Variants in ABCB1 observed in about 807,000 individuals in gnomAD.
ABCB1 encodes ATP-dependent translocase ABCB1.
A neutral mutation model predicts 142.0 loss-of-function variants in ABCB1; 69 were observed. That is an observed-to-expected ratio of 0.49 (90% CI 0.40 to 0.59). The LOEUF is 0.59. Among genes scored for constraint, ABCB1 ranks in the 20% least tolerant of loss-of-function variants. The pLI is 0.00. For synonymous variants in ABCB1, 532 were observed against 539.2 expected, an observed-to-expected ratio of 0.99 and a Z score of 0.18; for missense variants, 1,326 against 1,554.7, an observed-to-expected ratio of 0.85 and a Z score of 2.47.
At chr7:87,544,488 T>TA (rs1361536024) in intron 16 of ABCB1, among the ~76,000 whole-genome samples, 2 of 152,322 alleles carry the variant, frequency 1.3e-5, no homozygotes, top group South Asian at 4.1e-4. Context: ...CTTTATTTTT[T>TA]AAAAAATAAA....
intron 3 of ABCB1, 54 bp downstream of exon 3, chr7:87,595,712 A>C: frequency 7.5e-7 from 1 of 1,329,658 alleles, no homozygotes. Flanking sequence ...TTTCCATGTA[A>C]GGAGATGTCA....
chr7:87,568,579 T>C (rs1021018575), intron 5 of ABCB1, among the ~76,000 whole-genome samples: 1 of 152,192 alleles, frequency 6.6e-6, no homozygotes, highest in East Asian at 1.9e-4. Context: ...GCAGAAGCTA[T>C]AAAGATGGCT....
chr7:87,600,241 T>G, intron 1 of ABCB1, 51 bp from the exon 2 acceptor site: 4 of 1,480,250 alleles, frequency 2.7e-6, no homozygotes, highest in Non-Finnish European at 3.8e-6. Context: ...TCAGGCGCGC[T>G]GGAGGTGAGA....
At chr7:87,518,704 A>C (rs1384743836) in intron 23 of ABCB1, among the ~76,000 whole-genome samples, 2 of 152,246 alleles carry the variant, frequency 1.3e-5, no homozygotes, top group Non-Finnish European at 2.9e-5. Context: ...CTAGAAGCTC[A>C]GAAAGATTAC....
chr7:87,545,332 G>A (rs1041427582), intron 15 of ABCB1, among the ~76,000 whole-genome samples: 1 of 152,156 alleles, frequency 6.6e-6, no homozygotes, highest in Non-Finnish European at 1.5e-5. Context: ...ACAGAAATAT[G>A]GCACAAGCCA....
At chr7:87,576,612 T>C (rs1458645502) in intron 4 of ABCB1, among the ~76,000 whole-genome samples, 1 of 151,704 alleles carries the variant, frequency 6.6e-6, no homozygotes, top group African/African-American at 2.4e-5. Flanking sequence ...AACAGTTGAG[T>C]TCTTCCTCAA....
At chr7:87,515,008 G>T (rs1362587745) in intron 25 of ABCB1, among the ~76,000 whole-genome samples, 1 of 152,228 alleles carries the variant, frequency 6.6e-6, no homozygotes, top group African/African-American at 2.4e-5. Flanking sequence ...GGTACAAAGG[G>T]TGCTTGCAAA....
At chr7:87,707,545 G>A (rs767052032) in intron 1 of ABCB1, among the ~76,000 whole-genome samples, 37 of 151,986 alleles carry the variant, frequency 2.4e-4, no homozygotes, top group Non-Finnish European at 3.7e-4. Context: ...GTGGTGGCAC[G>A]CACCTGTAGC....
At chr7:87,599,243 G>C (rs549729579) in intron 2 of ABCB1, among the ~76,000 whole-genome samples, 50 of 152,122 alleles carry the variant, frequency 3.3e-4, no homozygotes, top group African/African-American at 1.1e-3. Flanking sequence ...AATCTATTTA[G>C]TGAAGTTTTA....
intron 21 of ABCB1, among the ~76,000 whole-genome samples, chr7:87,526,873 TG>T (rs1437741897): frequency 6.6e-6 from 1 of 152,198 alleles, no homozygotes; most frequent in Non-Finnish European, 1.5e-5. Context: ...TCTATAGATA[TG>T]GACTCATCCT....
At chr7:87,570,688 C>A (rs917217338) in intron 4 of ABCB1, among the ~76,000 whole-genome samples, 2 of 151,994 alleles carry the variant, frequency 1.3e-5, no homozygotes, top group Non-Finnish European at 2.9e-5. Flanking sequence ...AGCTCATCAC[C>A]CAATATTAGC....
intron 1 of ABCB1, among the ~76,000 whole-genome samples, chr7:87,688,220 G>A (rs138690914): frequency 7.4e-4 from 113 of 152,156 alleles, no homozygotes; most frequent in African/African-American, 2.7e-3. Flanking sequence ...AGCATCCGGG[G>A]TTATGTATAC....
chr7:87,585,738 T>A, intron 3 of ABCB1, 58 bp from the exon 4 acceptor site: 2 of 1,569,312 alleles, frequency 1.3e-6, no homozygotes, highest in South Asian at 2.3e-5. Flanking sequence ...CATGGAAGAT[T>A]TGCTTTTCCT....
intron 1 of ABCB1, among the ~76,000 whole-genome samples, chr7:87,637,380 A>G (rs1309964616): frequency 6.6e-6 from 1 of 152,138 alleles, no homozygotes. Context: ...TTTATTTTTC[A>G]AGATTATCTT....
At chr7:87,509,212 T>A (rs1370478891) in intron 26 of ABCB1, 63 bp downstream of exon 26, 1 of 1,562,014 alleles carries the variant, frequency 6.4e-7, no homozygotes, top group African/African-American at 1.4e-5. Flanking sequence ...CCCTTATAAA[T>A]CAAACTATAG....
intron 1 of ABCB1, among the ~76,000 whole-genome samples, chr7:87,634,618 C>T (rs908113544): frequency 6.7e-6 from 1 of 149,406 alleles, no homozygotes; most frequent in African/African-American, 2.5e-5. Context: ...AAGAGTGAGA[C>T]TCTTGTCTCA....
chr7:87,563,288 A>C, intron 7 of ABCB1: 1 of 355,392 alleles, frequency 2.8e-6, no homozygotes, highest in South Asian at 2.2e-5. Context: ...ATTTAGGTGG[A>C]GGGACTCCTC....
At chr7:87,693,386 G>T (rs1407529358) in intron 1 of ABCB1, among the ~76,000 whole-genome samples, 1 of 152,096 alleles carries the variant, frequency 6.6e-6, no homozygotes, top group African/African-American at 2.4e-5. Flanking sequence ...GGCAAAAAAT[G>T]AATGGCTACA....
intron 1 of ABCB1, among the ~76,000 whole-genome samples, chr7:87,682,835 A>G (rs1400778462): frequency 6.6e-6 from 1 of 152,194 alleles, no homozygotes; most frequent in East Asian, 1.9e-4. Flanking sequence ...CCCTAATAAG[A>G]GAGTCAGCCT....
Sources: allele counts gnomAD v4.1 joint callset (sites outside exome capture counted in the v4.1 genomes callset), GRCh38; gene constraint gnomAD v4.1.1; transcripts MANE v1.5; gene names NCBI Gene and HGNC (gene_info 2026-07-23, HGNC 2026-07-21).